SV2C: variants seen among roughly 807,000 people sequenced by gnomAD.
SV2C encodes solute carrier family 22 member B3.
Under a neutral mutation model 79.7 loss-of-function variants are expected in SV2C, and 49 were observed. That is an observed-to-expected ratio of 0.61 (90% CI 0.49 to 0.78). The LOEUF is 0.78. Ranked by LOEUF, SV2C falls within the 30% of genes least tolerant of loss-of-function variation. The pLI, the probability that SV2C is intolerant of heterozygous loss-of-function variation, is 0.00. For synonymous variants in SV2C, 334 were observed against 333.2 expected, an observed-to-expected ratio of 1.00 and a Z score of -0.03; for missense variants, 833 against 912.9, an observed-to-expected ratio of 0.91 and a Z score of 1.13.
intron 1 of SV2C, among the ~76,000 whole-genome samples, chr5:76,115,939 C>G (rs537403448): frequency 2.6e-5 from 4 of 152,194 alleles, no homozygotes; most frequent in Non-Finnish European, 5.9e-5. Context: ...TGCTGTCTTC[C>G]ATGTCAGGAA....
the SV2C span, among the ~76,000 whole-genome samples, chr5:75,897,608 G>T: frequency 3.2e-3 from 459 of 143,268 alleles, no homozygotes; most frequent in African/African-American, 4.9e-3. Flanking sequence ...TGTGAAGAAA[G>T]TCATTGGTAG....
At chr5:76,053,260 G>A in the SV2C span, among the ~76,000 whole-genome samples, 1 of 152,108 alleles carries the variant, frequency 6.6e-6, no homozygotes. Context: ...CAGGTTACAC[G>A]TCTATGTCAC....
At chr5:76,003,082 G>A in the SV2C span, among the ~76,000 whole-genome samples, 2 of 152,002 alleles carry the variant, frequency 1.3e-5, no homozygotes, top group African/African-American at 4.8e-5. Context: ...TTTATAAAGG[G>A]CTTTTTCCCC....
the SV2C span, among the ~76,000 whole-genome samples, chr5:75,949,421 A>G: frequency 4.6e-5 from 7 of 152,042 alleles, no homozygotes; most frequent in African/African-American, 1.4e-4. Flanking sequence ...GCAAAAGTAG[A>G]GAAGCCAGTT....
At chr5:76,244,305 T>C (rs1745881206) in intron 4 of SV2C, among the ~76,000 whole-genome samples, 1 of 152,240 alleles carries the variant, frequency 6.6e-6, no homozygotes, top group South Asian at 2.1e-4. Flanking sequence ...AAATGATTTA[T>C]AGAGCCCCTG....
chr5:75,927,646 T>C, the SV2C span, among the ~76,000 whole-genome samples: 1 of 152,160 alleles, frequency 6.6e-6, no homozygotes, highest in Non-Finnish European at 1.5e-5. Flanking sequence ...TCTCATGTTG[T>C]GTTCTTACCA....
intron 4 of SV2C, among the ~76,000 whole-genome samples, chr5:76,215,354 C>G (rs1420023536): frequency 2.6e-5 from 4 of 152,032 alleles, no homozygotes; most frequent in Non-Finnish European, 4.4e-5. Flanking sequence ...GAACAGTGAG[C>G]CTGATCTGTT....
chr5:76,053,551 AATGATACT>A, the SV2C span, among the ~76,000 whole-genome samples: 9 of 152,186 alleles, frequency 5.9e-5, no homozygotes, highest in Non-Finnish European at 1.3e-4. Flanking sequence ...CTTTTTAGGA[AATGATACT>A]ATGATGGCTT....
the SV2C span, among the ~76,000 whole-genome samples, chr5:75,996,884 G>T: frequency 7.5e-6 from 1 of 134,152 alleles, no homozygotes; most frequent in Non-Finnish European, 1.7e-5. Flanking sequence ...GAGATTTTGG[G>T]CTGAGACAGT....
the SV2C span, among the ~76,000 whole-genome samples, chr5:75,873,126 G>C: frequency 6.6e-6 from 1 of 151,994 alleles, no homozygotes; most frequent in Non-Finnish European, 1.5e-5. Flanking sequence ...AAATTAAAAA[G>C]AGATACGTTG....
the SV2C span, among the ~76,000 whole-genome samples, chr5:76,025,956 A>G: frequency 6.6e-6 from 1 of 152,170 alleles, no homozygotes; most frequent in Admixed American, 6.6e-5. Flanking sequence ...GTGATTTTCA[A>G]CCAGGATGGT....
chr5:76,104,310 T>C (rs185080505), intron 1 of SV2C, among the ~76,000 whole-genome samples: 8 of 152,346 alleles, frequency 5.3e-5, no homozygotes, highest in Admixed American at 5.2e-4. Context: ...CCTCAACTTA[T>C]TTGATCAGGG....
chr5:76,069,878 C>CT, the SV2C span, among the ~76,000 whole-genome samples: 60,293 of 151,118 alleles, frequency 0.4, 13,188 homozygotes, highest in East Asian at 0.72. Context: ...ACACACACAC[C>CT]CTTTCGTGGC....
chr5:75,860,303 A>C, the SV2C span, among the ~76,000 whole-genome samples: 10 of 152,094 alleles, frequency 6.6e-5, no homozygotes, highest in African/African-American at 2.4e-4. Flanking sequence ...GCCACACACA[A>C]ATAATACCTG....
chr5:76,279,851 G>C (rs1580015109), intron 4 of SV2C, among the ~76,000 whole-genome samples: 1 of 152,302 alleles, frequency 6.6e-6, no homozygotes, highest in East Asian at 1.9e-4. Context: ...ATGAGGGTTG[G>C]AGAGGAGGAA....
chr5:76,019,388 C>A, the SV2C span, among the ~76,000 whole-genome samples: 1 of 152,038 alleles, frequency 6.6e-6, no homozygotes, highest in Non-Finnish European at 1.5e-5. Flanking sequence ...AATGTATGTG[C>A]TCACCCTCCT....
the SV2C span, chr5:75,910,859 T>C: frequency 0.013 from 15,267 of 1,155,428 alleles, 467 homozygotes; most frequent in African/African-American, 0.1. Flanking sequence ...CAAGCTGAAC[T>C]GCAATCTCTA....
chr5:76,138,049 G>A (rs76908770), intron 2 of SV2C, among the ~76,000 whole-genome samples: 1,964 of 152,344 alleles, frequency 0.013, 44 homozygotes, highest in African/African-American at 0.045. Flanking sequence ...GCCAGGATGT[G>A]TGGGTCATGG....
chr5:75,949,722 C>T, the SV2C span, among the ~76,000 whole-genome samples: 114 of 152,100 alleles, frequency 7.5e-4, no homozygotes, highest in African/African-American at 2.4e-3. Context: ...ATTGTGAGGC[C>T]TCTCCAAGCC....
Sources: allele counts gnomAD v4.1 joint callset (sites outside exome capture counted in the v4.1 genomes callset), GRCh38; gene constraint gnomAD v4.1.1; transcripts MANE v1.5; gene names NCBI Gene and HGNC (gene_info 2026-07-23, HGNC 2026-07-21).